The following DDX60L variants were observed in gnomAD, a reference collection of about 807,000 sequenced individuals.
DDX60L encodes the protein probable ATP-dependent RNA helicase DDX60-like.
DDX60L carries 191 observed loss-of-function variants against 211.6 expected under a neutral mutation model. That is an observed-to-expected ratio of 0.90 (90% CI 0.80 to 1.02). The LOEUF (loss-of-function observed/expected upper bound fraction) is 1.02, where lower values mean the gene tolerates loss of function less well. Ranked by LOEUF, DDX60L falls within the 50% of genes least tolerant of loss-of-function variation. DDX60L has a pLI of 0.00. For synonymous variants in DDX60L, 706 were observed against 694.1 expected (o/e 1.02, Z -0.27); for missense variants, 2,007 against 1,984.1 (o/e 1.01, Z -0.22).
At chr4:168,374,998 C>T (rs1327934371) in intron 34 of DDX60L, among the ~76,000 whole-genome samples, 2 of 152,186 alleles carry the variant, frequency 1.3e-5, no homozygotes, top group Non-Finnish European at 2.9e-5. Context: ...AACCACTATG[C>T]AACTGCCCCT....
intron 9 of DDX60L, among the ~76,000 whole-genome samples, chr4:168,442,015 A>T (rs1753920010): frequency 6.6e-6 from 1 of 152,158 alleles, no homozygotes; most frequent in African/African-American, 2.4e-5. Context: ...ATGGCCGAAT[A>T]GGAACAGCTC....
At chr4:168,454,758 C>CTTTTTTTTTTTTTTTTTTTTG (rs1756280418) in intron 7 of DDX60L, among the ~76,000 whole-genome samples, 1 of 88,656 alleles carries the variant, frequency 1.1e-5, no homozygotes, top group Non-Finnish European at 2.1e-5. Flanking sequence ...AAACAGCTTC[C>CTTTTTTTTTTTTTTTTTTTTG]TTTTTTTTTT....
intron 16 of DDX60L, 52 bp downstream of exon 16, chr4:168,422,472 A>C (rs1750787953): frequency 6.5e-7 from 1 of 1,539,730 alleles, no homozygotes; most frequent in African/African-American, 1.4e-5. Flanking sequence ...CACAGTAATG[A>C]AAAGTTCTGA....
At chr4:168,405,860 G>C (rs1163553835) in intron 24 of DDX60L, 90 bp downstream of exon 24, 1 of 1,360,818 alleles carries the variant, frequency 7.3e-7, no homozygotes, top group East Asian at 2.6e-5. Flanking sequence ...GGAATAAAAA[G>C]ATTACAAAAC....
chr4:168,415,181 T>C (rs768461943), intron 22 of DDX60L, among the ~76,000 whole-genome samples: 4 of 151,986 alleles, frequency 2.6e-5, no homozygotes, highest in Non-Finnish European at 5.9e-5. Context: ...TGCATGTCTG[T>C]ATCAAAATAT....
chr4:168,433,993 T>C (rs1205626133), intron 10 of DDX60L, among the ~76,000 whole-genome samples: 1 of 152,206 alleles, frequency 6.6e-6, no homozygotes, highest in African/African-American at 2.4e-5. Flanking sequence ...TTTATTGTTA[T>C]TGTGGAGAAG....
intron 30 of DDX60L, chr4:168,380,133 C>T (rs1742681415): frequency 8.4e-6 from 2 of 238,486 alleles, no homozygotes; most frequent in South Asian, 2.5e-4. Context: ...GAAAGCCAAT[C>T]CGGCTTACAA....
chr4:168,418,882 G>C (rs1475044167), intron 19 of DDX60L, among the ~76,000 whole-genome samples: 1 of 152,354 alleles, frequency 6.6e-6, no homozygotes, highest in African/African-American at 2.4e-5. Flanking sequence ...AGAGAAGACA[G>C]TGAGGTCAAG....
chr4:168,477,154 GT>G (rs1759627833), intron 1 of DDX60L, among the ~76,000 whole-genome samples: 2 of 152,114 alleles, frequency 1.3e-5, no homozygotes, highest in Admixed American at 1.3e-4. Context: ...GGTGGCTCAC[GT>G]CTGTAATCCC....
rs2150149413 is a variant in DDX60L, at chr4:168,472,777, C to G, written c.-78G>C. On this transcript the variant is annotated 5_prime_UTR_variant, in exon 2 of 38. Coordinates refer to ENST00000682922, the MANE Select transcript of DDX60L (RefSeq NM_001012967.3). ...ATATGGCTGATTTATTTTGACACCT[C>G]TAAAATGGCTACATTTGATGTGAAT... 6.7e-7 allele frequency: 1 copy of G among 1,503,536 alleles called. No homozygotes were observed. The highest frequency in any genetic ancestry group is 9.2e-7 in the Non-Finnish European group (1 of 1,090,958). 93.1% of individuals were successfully genotyped at this position (1,503,536 alleles called of 1,614,324 possible). A position where few individuals can be genotyped will look rare whatever the true frequency, so the allele number is the denominator to read the frequency against.
intron 14 of DDX60L, among the ~76,000 whole-genome samples, chr4:168,426,402 A>G (rs1751454805): frequency 6.6e-6 from 1 of 152,330 alleles, no homozygotes; most frequent in South Asian, 2.1e-4. Flanking sequence ...GGTAGAAACC[A>G]CACACAAAGT....
At chr4:168,449,777 AAAAAT>A (rs1755533258) in intron 8 of DDX60L, among the ~76,000 whole-genome samples, 1 of 147,744 alleles carries the variant, frequency 6.8e-6, no homozygotes, top group Admixed American at 6.8e-5. Context: ...AAAATAGAAT[AAAAAT>A]AAAATAAACA....
chr4:168,420,682 TAGACAGAC>T (rs70961519), intron 17 of DDX60L, among the ~76,000 whole-genome samples: 6,605 of 127,312 alleles, frequency 0.052, 188 homozygotes, highest in South Asian at 0.066. Flanking sequence ...GATAGATAGA[TAGACAGAC>T]AGACAGACAG....
chr4:168,429,988 G>C (rs1202117365), intron 13 of DDX60L, among the ~76,000 whole-genome samples: 3 of 151,990 alleles, frequency 2.0e-5, no homozygotes, highest in African/African-American at 7.3e-5. Flanking sequence ...ACCTGAGGTC[G>C]GGAGTTCGAG....
chr4:168,384,533 A>G, intron 30 of DDX60L, 79 bp downstream of exon 30: 3 of 1,545,770 alleles, frequency 1.9e-6, no homozygotes, highest in Non-Finnish European at 2.7e-6. Flanking sequence ...CTCAAGACAG[A>G]CTTCTAAAAG....
In DDX60L at chr4:168,433,091, C is replaced by G; in HGVS notation, c.1319G>C (p.Ser440Thr). ...AGATGTCATTGGAATAAAGCCCACACTAGGCATCTTTTCCAAGGAGATTTC... is the reference window on the plus strand; with the variant it reads ...AGATGTCATTGGAATAAAGCCCACAGTAGGCATCTTTTCCAAGGAGATTTC... ...IQEISLEKMPSVGFIPMTSAV... is the reference protein window; with the variant it reads ...IQEISLEKMPTVGFIPMTSAV... The change falls in exon 11 of 38, where the codon AGT becomes ACT. Residue 440 changes from serine (S) to threonine (T), a missense_variant. Transcript: ENST00000682922. The G allele has an allele frequency of 3.1e-6, 5 of 1,606,660 alleles. No individual in the cohort carries two copies. Among genetic ancestry groups the G allele is most frequent in the Non-Finnish European group, 3.4e-6 (4 of 1,175,862 alleles).
At chr4:168,475,456 T>A (rs915786394) in intron 1 of DDX60L, among the ~76,000 whole-genome samples, 2 of 152,182 alleles carry the variant, frequency 1.3e-5, no homozygotes, top group African/African-American at 4.8e-5. Context: ...ATACTATGTA[T>A]ACAGTTATGT....
At chr4:168,472,649 C>T in intron 2 of DDX60L, 47 bp downstream of exon 2, 2 of 1,608,268 alleles carry the variant, frequency 1.2e-6, no homozygotes, top group Non-Finnish European at 1.7e-6. Context: ...GAATATCTTA[C>T]AAGATTGTTG....
chr4:168,449,651 G>GAAAAAAAAAAAAAAAAAAAAAAA (rs1561098576), intron 8 of DDX60L, among the ~76,000 whole-genome samples: 1 of 7,516 alleles, frequency 1.3e-4, no homozygotes, highest in Non-Finnish European at 2.2e-4. Context: ...AAAAAAAAAT[G>GAAAAAAAAAAAAAAAAAAAAAAA]CAAAAAAAAA....
Sources: allele counts gnomAD v4.1 joint callset (sites outside exome capture counted in the v4.1 genomes callset), GRCh38; gene constraint gnomAD v4.1.1; transcripts MANE v1.5; gene names NCBI Gene and HGNC (gene_info 2026-07-23, HGNC 2026-07-21).